BNC2: variants seen among roughly 807,000 people sequenced by gnomAD.
BNC2 encodes zinc finger protein basonuclin-2.
BNC2 carries 20 observed loss-of-function variants against 76.3 expected under a neutral mutation model. The ratio of observed to expected loss-of-function variants is 0.26; its 90% CI spans 0.18 to 0.38. The LOEUF (loss-of-function observed/expected upper bound fraction) is 0.38, where lower values mean the gene tolerates loss of function less well. Ranked by LOEUF, BNC2 falls within the 10% of genes least tolerant of loss-of-function variation. The pLI is 1.00. For synonymous variants in BNC2, 582 were observed against 514.8 expected (o/e 1.13, Z -1.77); for missense variants, 1,382 against 1,399.8 (o/e 0.99, Z 0.20).
At chr9:16,532,979 A>G (rs536618965) in intron 5 of BNC2, among the ~76,000 whole-genome samples, 1 of 152,356 alleles carries the variant, frequency 6.6e-6, no homozygotes, top group South Asian at 2.1e-4. Flanking sequence ...AATGCTACCA[A>G]CACAACGCTA....
At chr9:16,744,199 G>C (rs1824935446) in intron 1 of BNC2, among the ~76,000 whole-genome samples, 2 of 152,106 alleles carry the variant, frequency 1.3e-5, no homozygotes. Context: ...TCAATCTCCT[G>C]ACCTTGTGAT....
At chr9:16,779,130 A>AAAAAAAAG (rs556932807) in intron 1 of BNC2, among the ~76,000 whole-genome samples, 1,983 of 87,434 alleles carry the variant, frequency 0.023, 48 homozygotes, top group African/African-American at 0.06. Context: ...AAAAAAAAAA[A>AAAAAAAAG]AAAAGAAAAG....
At chr9:16,711,450 G>C (rs1017107757) in intron 3 of BNC2, among the ~76,000 whole-genome samples, 3 of 152,072 alleles carry the variant, frequency 2.0e-5, no homozygotes, top group African/African-American at 7.2e-5. Context: ...CTGGAGAATG[G>C]GTCAACTAGG....
chr9:16,495,690 C>T (rs1460129038), intron 5 of BNC2, among the ~76,000 whole-genome samples: 1 of 152,168 alleles, frequency 6.6e-6, no homozygotes, highest in South Asian at 2.1e-4. Context: ...CATAAAGGCT[C>T]AACATGAGCT....
At chr9:16,764,039 T>C (rs1825624108) in intron 1 of BNC2, among the ~76,000 whole-genome samples, 2 of 152,180 alleles carry the variant, frequency 1.3e-5, no homozygotes, top group Admixed American at 1.3e-4. Flanking sequence ...GTGACGAGAA[T>C]TAAAATAAGA....
intron 1 of BNC2, among the ~76,000 whole-genome samples, chr9:16,845,696 G>A (rs925228741): frequency 6.6e-6 from 1 of 152,040 alleles, no homozygotes; most frequent in South Asian, 2.1e-4. Context: ...ACTCCAGCCT[G>A]GGCGACAAAG....
chr9:16,463,509 G>C (rs545004070), intron 5 of BNC2, among the ~76,000 whole-genome samples: 1 of 148,056 alleles, frequency 6.8e-6, no homozygotes, highest in Non-Finnish European at 1.5e-5. Flanking sequence ...TTTTAGCCAG[G>C]ATGGTCTCAA....
At chr9:16,623,226 G>A (rs186262283) in intron 3 of BNC2, among the ~76,000 whole-genome samples, 8 of 152,214 alleles carry the variant, frequency 5.3e-5, no homozygotes, top group Admixed American at 5.2e-4. Flanking sequence ...AAGTAGTCAG[G>A]TTAGCCACCA....
chr9:16,440,545 T>C (rs1371494276), intron 5 of BNC2, among the ~76,000 whole-genome samples: 2 of 152,172 alleles, frequency 1.3e-5, no homozygotes, highest in Non-Finnish European at 2.9e-5. Context: ...TAAATCTACA[T>C]GTCAGTGATA....
chr9:16,675,789 G>A (rs546438535), intron 3 of BNC2, among the ~76,000 whole-genome samples: 4 of 152,192 alleles, frequency 2.6e-5, no homozygotes, highest in South Asian at 2.1e-4. Flanking sequence ...AGCTTTGGCC[G>A]GGCTCGGTGG....
chr9:16,598,015 T>A (rs1820142666), intron 3 of BNC2, among the ~76,000 whole-genome samples: 1 of 152,112 alleles, frequency 6.6e-6, no homozygotes, highest in Non-Finnish European at 1.5e-5. Context: ...AGAGACCCTA[T>A]GTGCATGCCT....
chr9:16,616,918 T>C (rs956138489), intron 3 of BNC2, among the ~76,000 whole-genome samples: 1 of 152,160 alleles, frequency 6.6e-6, no homozygotes, highest in African/African-American at 2.4e-5. Flanking sequence ...TTTTGAACCA[T>C]TCTGTCCTAG....
At chr9:16,711,986 T>C (rs998935035) in intron 3 of BNC2, among the ~76,000 whole-genome samples, 3 of 152,204 alleles carry the variant, frequency 2.0e-5, no homozygotes, top group African/African-American at 7.2e-5. Flanking sequence ...AAGTAATTAG[T>C]ACAAAATACA....
At chr9:16,681,381 G>A (rs1822815870) in intron 3 of BNC2, among the ~76,000 whole-genome samples, 1 of 152,138 alleles carries the variant, frequency 6.6e-6, no homozygotes, top group Non-Finnish European at 1.5e-5. Flanking sequence ...GGGATGTATT[G>A]CTTGTGTGTC....
At chr9:16,724,055 C>G (rs1824243829) in intron 3 of BNC2, among the ~76,000 whole-genome samples, 1 of 151,876 alleles carries the variant, frequency 6.6e-6, no homozygotes, top group Non-Finnish European at 1.5e-5. Context: ...ATAATCCTAA[C>G]TTAGTATTTC....
At chr9:16,754,073 T>G (rs1435569367) in intron 1 of BNC2, among the ~76,000 whole-genome samples, 2 of 152,174 alleles carry the variant, frequency 1.3e-5, no homozygotes, top group African/African-American at 4.8e-5. Flanking sequence ...TGCCTCTGTC[T>G]CTCAGAAAGG....
At chr9:16,677,207 G>A (rs73417969) in intron 3 of BNC2, among the ~76,000 whole-genome samples, 15 of 152,198 alleles carry the variant, frequency 9.9e-5, no homozygotes, top group African/African-American at 2.9e-4. Context: ...CAATCTGTCC[G>A]ACAGTGTCAA....
chr9:16,739,765 C>T (rs10756798), intron 1 of BNC2, among the ~76,000 whole-genome samples: 64,590 of 151,962 alleles, frequency 0.43, 18,410 homozygotes, highest in Non-Finnish European at 0.64. Flanking sequence ...AAGATAAAAT[C>T]AAGGGGACCA....
At chr9:16,469,632 G>A (rs1392524949) in intron 5 of BNC2, among the ~76,000 whole-genome samples, 1 of 152,216 alleles carries the variant, frequency 6.6e-6, no homozygotes, top group African/African-American at 2.4e-5. Flanking sequence ...CCGAAAATGT[G>A]AAAGCGACTT....
Sources: gnomAD v4.1 joint callset for allele counts (sites outside exome capture counted in the v4.1 genomes callset) on GRCh38, gnomAD v4.1.1 for gene constraint, MANE v1.5 for transcripts, NCBI Gene and HGNC (gene_info 2026-07-23, HGNC 2026-07-21) for gene names.